The following LINGO2 variants were observed in gnomAD, a reference collection of about 807,000 sequenced individuals.
LINGO2 encodes the protein leucine-rich repeat and immunoglobulin-like domain-containing nogo receptor-interacting protein 2.
LINGO2 carries 14 observed loss-of-function variants against 30.6 expected under a neutral mutation model. The ratio of observed to expected loss-of-function variants is 0.46; its 90% CI spans 0.30 to 0.72. The LOEUF is 0.72. Among genes scored for constraint, LINGO2 ranks in the 30% least tolerant of loss-of-function variants. LINGO2 has a pLI of 0.07. For synonymous variants in LINGO2, 317 were observed against 288.5 expected, an observed-to-expected ratio of 1.10 and a Z score of -1.00; for missense variants, 729 against 751.7, an observed-to-expected ratio of 0.97 and a Z score of 0.35.
At chr9:28,543,951 T>C (rs975209743) in intron 1 of LINGO2, among the ~76,000 whole-genome samples, 3 of 152,048 alleles carry the variant, frequency 2.0e-5, no homozygotes, top group Non-Finnish European at 4.4e-5. Context: ...ACACCTGTAA[T>C]ACCAGCACTT....
chr9:28,619,045 A>G (rs1293715417), intron 1 of LINGO2, among the ~76,000 whole-genome samples: 1 of 152,160 alleles, frequency 6.6e-6, no homozygotes, highest in African/African-American at 2.4e-5. Flanking sequence ...AGGGACTACA[A>G]TAAGGTCTTA....
intron 4 of LINGO2, among the ~76,000 whole-genome samples, chr9:28,184,577 T>G (rs1368842022): frequency 3.4e-4 from 39 of 113,466 alleles, no homozygotes; most frequent in Admixed American, 7.2e-4. Context: ...GGAAGGAGGG[T>G]AAGAGGGGGG....
At chr9:29,042,572 T>G in the LINGO2 span, among the ~76,000 whole-genome samples, 1 of 152,016 alleles carries the variant, frequency 6.6e-6, no homozygotes, top group Non-Finnish European at 1.5e-5. Context: ...TTTCCTTTGT[T>G]GTTTTGCTTG....
intron 4 of LINGO2, among the ~76,000 whole-genome samples, chr9:28,143,520 G>A (rs1044380192): frequency 2.0e-5 from 3 of 152,090 alleles, no homozygotes; most frequent in African/African-American, 7.2e-5. Context: ...GAAAGGAGCA[G>A]GAAAATGGGC....
At chr9:28,170,333 A>C (rs985973932) in intron 4 of LINGO2, among the ~76,000 whole-genome samples, 1 of 152,220 alleles carries the variant, frequency 6.6e-6, no homozygotes, top group East Asian at 1.9e-4. Context: ...ATTATTATCC[A>C]AAAGAAATAG....
chr9:28,608,899 C>T (rs543675812), intron 1 of LINGO2, among the ~76,000 whole-genome samples: 1 of 152,000 alleles, frequency 6.6e-6, no homozygotes, highest in Non-Finnish European at 1.5e-5. Flanking sequence ...TTCATTTGTA[C>T]ATTCCTGTCT....
At chr9:29,112,139 G>A in the LINGO2 span, among the ~76,000 whole-genome samples, 5 of 147,914 alleles carry the variant, frequency 3.4e-5, no homozygotes, top group African/African-American at 1.0e-4. Context: ...AATCAAATAC[G>A]AAATATATCC....
At chr9:29,117,057 T>G in the LINGO2 span, among the ~76,000 whole-genome samples, 3 of 152,186 alleles carry the variant, frequency 2.0e-5, no homozygotes, top group South Asian at 2.1e-4. Flanking sequence ...TTTATATGAT[T>G]ACTATAAGAA....
chr9:29,010,274 T>C, the LINGO2 span, among the ~76,000 whole-genome samples: 4,054 of 152,194 alleles, frequency 0.027, 153 homozygotes, highest in African/African-American at 0.076. Flanking sequence ...ATTTTTACAA[T>C]CTACCCATCT....
the LINGO2 span, among the ~76,000 whole-genome samples, chr9:29,120,772 C>T: frequency 6.6e-6 from 1 of 152,290 alleles, no homozygotes; most frequent in East Asian, 1.9e-4. Context: ...GACCTTAAAA[C>T]TTATTATGTG....
At chr9:28,177,176 T>C (rs1174162406) in intron 4 of LINGO2, among the ~76,000 whole-genome samples, 1 of 152,218 alleles carries the variant, frequency 6.6e-6, no homozygotes, top group Non-Finnish European at 1.5e-5. Flanking sequence ...ATTTTCCTAC[T>C]ATGCTGTACA....
the LINGO2 span, among the ~76,000 whole-genome samples, chr9:28,758,382 G>A: frequency 6.6e-6 from 1 of 151,994 alleles, no homozygotes; most frequent in Non-Finnish European, 1.5e-5. Flanking sequence ...GTAACTTCAA[G>A]TATAACAACT....
At chr9:28,388,619 C>T (rs1377364273) in intron 2 of LINGO2, among the ~76,000 whole-genome samples, 1 of 152,148 alleles carries the variant, frequency 6.6e-6, no homozygotes, top group Non-Finnish European at 1.5e-5. Flanking sequence ...TCTCACCCTT[C>T]ATTTTAATAT....
intron 3 of LINGO2, among the ~76,000 whole-genome samples, chr9:28,350,344 G>A (rs1819808714): frequency 6.9e-6 from 1 of 144,108 alleles, no homozygotes; most frequent in Non-Finnish European, 1.5e-5. Flanking sequence ...GGCAGGGGTT[G>A]CAATCCTAGT....
At position 28,329,235 on chromosome 9, in the gene LINGO2, C is replaced by T. The variant is rs1825334832; in HGVS notation, c.-245-33869G>A. On this transcript the variant is annotated intron_variant, in intron 3 of 5. Transcript: ENST00000379992. The surrounding 1 kb of genome is among the most constrained non-coding windows in gnomAD (Gnocchi z 4.5). ...GTCTAATTGTGCTCAGCTCATTTTG[C>T]CTCTGTCCAAAAGTGGGAAGAATGG... 6.6e-6 allele frequency among the ~76,000 whole-genome samples: 1 copy of T among 152,124 alleles called. No homozygotes were observed. Among genetic ancestry groups the T allele is most frequent in the Admixed American group, 6.6e-5 (1 of 15,262 alleles).
At chr9:28,189,669 G>GAGGGAGGAAGGA (rs1366359773) in intron 4 of LINGO2, among the ~76,000 whole-genome samples, 2 of 19,576 alleles carry the variant, frequency 1.0e-4, no homozygotes, top group Non-Finnish European at 2.0e-4. Context: ...GGAAGGAAGG[G>GAGGGAGGAAGGA]AGGAAGGAAG....
chr9:28,809,435 C>T, the LINGO2 span, among the ~76,000 whole-genome samples: 6 of 152,260 alleles, frequency 3.9e-5, no homozygotes, highest in African/African-American at 1.4e-4. Flanking sequence ...CCTAGCACTG[C>T]CTGGGTGATC....
At chr9:28,065,843 CAA>C (rs1346822858) in intron 4 of LINGO2, among the ~76,000 whole-genome samples, 1 of 151,972 alleles carries the variant, frequency 6.6e-6, no homozygotes, top group African/African-American at 2.4e-5. Flanking sequence ...TTGGTGATAA[CAA>C]AGAAAATTAT....
intron 3 of LINGO2, among the ~76,000 whole-genome samples, chr9:28,343,613 A>C (rs1412560694): frequency 6.6e-6 from 1 of 152,190 alleles, no homozygotes; most frequent in Non-Finnish European, 1.5e-5. Context: ...ACAATGACTC[A>C]ATTAACATAA....
Sources: gnomAD v4.1 joint callset for allele counts (sites outside exome capture counted in the v4.1 genomes callset) on GRCh38, gnomAD v4.1.1 for gene constraint, Gnocchi (gnomAD v3.1) non-coding constraint, MANE v1.5 for transcripts, NCBI Gene and HGNC (gene_info 2026-07-23, HGNC 2026-07-21) for gene names.